The following MEOX1 variants were observed in gnomAD, a reference collection of about 807,000 sequenced individuals.
MEOX1 encodes mesenchyme homeobox 1.
A neutral mutation model predicts 23.2 loss-of-function variants in MEOX1; 17 were observed. The ratio of observed to expected loss-of-function variants is 0.73; its 90% confidence interval spans 0.50 to 1.10. The LOEUF is 1.10. Among genes scored for constraint, MEOX1 ranks in the 50% least tolerant of loss-of-function variants. The probability of loss-of-function intolerance (pLI) is 0.00; values close to 1 mark genes in which losing one functional copy is unlikely to be tolerated. For synonymous variants in MEOX1, 134 were observed against 135.1 expected, an observed-to-expected ratio of 0.99 and a Z score of 0.06; for missense variants, 333 against 332.2, an observed-to-expected ratio of 1.00 and a Z score of -0.02.
chr17:43,660,429 C>A (rs922203055), intron 1 of MEOX1, among the ~76,000 whole-genome samples: 12 of 152,194 alleles, frequency 7.9e-5, no homozygotes, highest in Admixed American at 6.5e-4. Flanking sequence ...AGTTGTCTGT[C>A]CCCTTGGCCT....
chr17:43,643,565 C>G lies in MEOX1; in HGVS notation c.565G>C (p.Glu189Gln), dbSNP rs761291042. 1.8e-5 allele frequency: 29 copies of G among 1,612,264 alleles called. No individual in the cohort carries two copies. Among genetic ancestry groups the G allele is most frequent in the Admixed American group, 3.3e-5 (2 of 59,768 alleles). ...TKEQLRELEA[E>Q]FAHHNYLTRL... ...GTCAGGTAGTTATGATGGGCAAACT[C>G]TGCCTCCAGCTCTCGCAGCTGCTCC... Residue 189 changes from glutamate to glutamine, a missense_variant, in exon 2 of 3, where the codon GAG becomes CAG. Physicochemically the swap from Glu to Gln is conservative, Grantham distance 29 (BLOSUM62 2). Transcript: ENST00000318579.
At chr17:43,651,547 A>AG (rs1555567185) in intron 1 of MEOX1, among the ~76,000 whole-genome samples, 5 of 133,426 alleles carry the variant, frequency 3.7e-5, no homozygotes, top group Admixed American at 7.2e-5. Context: ...AAGAAAAACA[A>AG]GGGGGAAAAA....
At chr17:43,648,910 T>C (rs116724791) in intron 1 of MEOX1, among the ~76,000 whole-genome samples, 1 of 152,168 alleles carries the variant, frequency 6.6e-6, no homozygotes, top group Admixed American at 6.5e-5. Flanking sequence ...AAGTTATATA[T>C]GCAGACGTGT....
chr17:43,646,244 C>A (rs892752597), intron 1 of MEOX1, among the ~76,000 whole-genome samples: 23 of 152,220 alleles, frequency 1.5e-4, no homozygotes, highest in African/African-American at 5.3e-4. Flanking sequence ...GGGAAGGACG[C>A]GCAGCCCCGG....
intron 1 of MEOX1, among the ~76,000 whole-genome samples, chr17:43,644,444 T>C (rs1972765293): frequency 6.6e-6 from 1 of 150,386 alleles, no homozygotes; most frequent in Non-Finnish European, 1.5e-5. Flanking sequence ...CCAGGTGCTG[T>C]ACCTGACATA....
Position 43,641,903 on chromosome 17 carries a change from C to T in MEOX1, c.*7G>A. On this transcript the variant is annotated 3_prime_UTR_variant, in exon 3 of 3. Transcript: ENST00000318579. ...AGTCCTTAGTCATTTTTCCTCCATG[C>T]AGAATCTCACTCTGAACTTGGAGAG... The T allele has an allele frequency of 1.2e-6, 2 of 1,610,592 alleles. No homozygotes were observed. Among genetic ancestry groups the T allele is most frequent in the Non-Finnish European group, 1.7e-6 (2 of 1,178,532 alleles).
intron 1 of MEOX1, among the ~76,000 whole-genome samples, chr17:43,650,443 C>T (rs1972892979): frequency 6.6e-6 from 1 of 152,156 alleles, no homozygotes; most frequent in African/African-American, 2.4e-5. Flanking sequence ...GCCCGTTGAA[C>T]ATATGAGCAA....
chr17:43,643,538 G>A lies in MEOX1; in HGVS notation c.592C>T (p.Arg198Trp), dbSNP rs769494867. The change falls in exon 2 of 3, where the codon CGG (arginine) becomes TGG (tryptophan). Residue 198 changes from arginine to tryptophan, a missense_variant. By Grantham distance (101) the Arg-to-Trp change is moderately radical. Transcript: ENST00000318579. ...ACCGCAATCTCATATCTGCGGAGCCGAGTCAGGTAGTTATGATGGGCAAAC... is the reference window on the plus strand; with the variant it reads ...ACCGCAATCTCATATCTGCGGAGCCAAGTCAGGTAGTTATGATGGGCAAAC... The part of the protein sequence containing the change: ...AEFAHHNYLT[R>W]LRRYEIAVNL... 3.1e-6 allele frequency: 5 copies of A among 1,609,308 alleles called. No homozygotes were observed. Among genetic ancestry groups the A allele is most frequent in the Non-Finnish European group, 4.2e-6 (5 of 1,178,092 alleles).
chr17:43,651,557 A>T (rs1023279012), intron 1 of MEOX1, among the ~76,000 whole-genome samples: 1 of 151,670 alleles, frequency 6.6e-6, no homozygotes, highest in Non-Finnish European at 1.5e-5. Context: ...AGGGGGAAAA[A>T]AAAAGAAAAG....
chr17:43,645,059 G>A (rs116232425), intron 1 of MEOX1, among the ~76,000 whole-genome samples: 2,168 of 152,206 alleles, frequency 0.014, 56 homozygotes, highest in African/African-American at 0.046. Context: ...GAGGAGGTGG[G>A]AAGAAGACCA....
At chr17:43,650,784 C>T (rs1335485243) in intron 1 of MEOX1, among the ~76,000 whole-genome samples, 3 of 152,130 alleles carry the variant, frequency 2.0e-5, no homozygotes, top group South Asian at 2.1e-4. Context: ...CAAAGCCCGT[C>T]GAAATAGACA....
At chr17:43,646,220 G>A (rs560611151) in intron 1 of MEOX1, among the ~76,000 whole-genome samples, 1 of 152,244 alleles carries the variant, frequency 6.6e-6, no homozygotes, top group East Asian at 1.9e-4. Context: ...CCGGAAGCGG[G>A]AGCGTGGGCA....
chr17:43,657,170 CTTTT>C (rs57432395), intron 1 of MEOX1, among the ~76,000 whole-genome samples: 12 of 81,706 alleles, frequency 1.5e-4, no homozygotes, highest in South Asian at 4.3e-4. Flanking sequence ...TTCTTTCTTT[CTTTT>C]TTTTTTTTTT....
intron 1 of MEOX1, 78 bp from the exon 2 acceptor site, chr17:43,643,738 A>G: frequency 8.4e-7 from 1 of 1,197,318 alleles, no homozygotes; most frequent in African/African-American, 1.5e-5. Flanking sequence ...TTGAGCAACT[A>G]GGCAGTCTTT....
chr17:43,660,575 A>G (rs1222315595), intron 1 of MEOX1, among the ~76,000 whole-genome samples: 1 of 152,062 alleles, frequency 6.6e-6, no homozygotes, highest in Non-Finnish European at 1.5e-5. Flanking sequence ...TCCTGGACAC[A>G]TAGGGTCTTG....
intron 1 of MEOX1, among the ~76,000 whole-genome samples, chr17:43,652,331 G>A (rs1372332155): frequency 6.6e-6 from 1 of 152,102 alleles, no homozygotes. Context: ...TGACAGCAGG[G>A]GGCAAAGACT....
intron 1 of MEOX1, among the ~76,000 whole-genome samples, chr17:43,658,702 T>C (rs1973085755): frequency 6.6e-6 from 1 of 152,184 alleles, no homozygotes; most frequent in African/African-American, 2.4e-5. Flanking sequence ...GAGTAGGTCA[T>C]GAGCCTTGCG....
chr17:43,661,555 C>G lies in MEOX1; in HGVS notation c.-21G>C. The G allele has an allele frequency of 7.3e-7, 1 of 1,365,206 alleles. No individual in the cohort carries two copies. The highest frequency in any genetic ancestry group is 1.6e-5 in the South Asian group (1 of 61,156). 84.6% of individuals were successfully genotyped at this position (1,365,206 alleles called of 1,614,324 possible). ...TCCATCTGCTGTCCGCTGCACGCCT[C>G]GGTCCTTTCAAAGATTTGATTCTTT... On this transcript the variant is annotated 5_prime_UTR_variant, in exon 1 of 3. Transcript: ENST00000318579.
At chr17:43,660,779 C>T (rs1290076463) in intron 1 of MEOX1, among the ~76,000 whole-genome samples, 3 of 152,194 alleles carry the variant, frequency 2.0e-5, no homozygotes, top group African/African-American at 7.2e-5. Context: ...AGTCTGCACC[C>T]AGAGGATCCA....
Sources: gnomAD v4.1 joint callset for allele counts (sites outside exome capture counted in the v4.1 genomes callset) on GRCh38, gnomAD v4.1.1 for gene constraint, MANE v1.5 for transcripts, NCBI Gene and HGNC (gene_info 2026-07-23, HGNC 2026-07-21) for gene names.